The following EXPH5 variants were observed in gnomAD, a reference collection of about 807,000 sequenced individuals.
The protein encoded by EXPH5 is exophilin 5.
In EXPH5, 42 loss-of-function variants were observed where a neutral mutation model predicts 41.1. That is an observed-to-expected ratio of 1.02 (90% CI 0.80 to 1.32). The LOEUF is 1.32. Among genes scored for constraint, EXPH5 ranks in the 40% most tolerant of loss-of-function variants. The pLI, the probability that EXPH5 is intolerant of heterozygous loss-of-function variation, is 0.00. For missense variants in EXPH5, 2,298 were observed against 2,314.5 expected, an observed-to-expected ratio of 0.99 and a Z score of 0.15; for synonymous variants, 798 against 833.5, an observed-to-expected ratio of 0.96 and a Z score of 0.73.
intron 3 of EXPH5, chr11:108,538,062 G>T (rs78249165): frequency 1.0e-6 from 1 of 985,298 alleles, no homozygotes; most frequent in Non-Finnish European, 1.2e-6. Context: ...AAACAGCCTC[G>T]GGTGAAAGCT....
chr11:108,526,565 C>T lies in EXPH5; in HGVS notation c.492+1571G>A, dbSNP rs1208078904. On this transcript the variant is annotated intron_variant, in intron 4 of 5. Transcript: ENST00000265843. Reference sequence around the variant, plus strand: ...AGTACAGAAGCATCCTGGAGCAGGGCTCTGTCCTCTCAGAGGGCAAAGCTG... The same window carrying T: ...AGTACAGAAGCATCCTGGAGCAGGGTTCTGTCCTCTCAGAGGGCAAAGCTG... Among the ~76,000 whole-genome samples the T allele has an allele frequency of 3.3e-5, 5 of 152,342 alleles. No individual in the cohort carries two copies. The East Asian group carries it at 9.6e-4, about 29-fold the overall frequency.
intron 1 of EXPH5, chr11:108,568,175 T>TGC (rs1555198198): frequency 1.1e-4 from 11 of 102,894 alleles, no homozygotes; most frequent in Non-Finnish European, 2.1e-4. Context: ...TTACTTTTTT[T>TGC]GGGAGGGGGG....
chr11:108,561,216 G>A (rs2094010259), intron 1 of EXPH5, among the ~76,000 whole-genome samples: 2 of 152,182 alleles, frequency 1.3e-5, no homozygotes, highest in South Asian at 4.2e-4. Flanking sequence ...CTGTTTATTT[G>A]GTATATGTTT....
Position 108,512,792 on chromosome 11 carries a change from C to G in EXPH5, c.2715G>C (p.Val905=), listed in dbSNP as rs1461078643. The G allele has an allele frequency of 6.8e-6, 11 of 1,614,074 alleles. No homozygotes were observed. Among genetic ancestry groups the G allele is most frequent in the Non-Finnish European group, 8.5e-6 (10 of 1,179,990 alleles). The part of the protein sequence containing the change: ...LDAPVVPSTT[V]FSRRSPSDKD... ...TGTCTGAAGGACTTCTCCTGGAGAA[C>G]ACTGTAGTAGATGGAACCACAGGAG... The change falls in exon 6 of 6, where the codon GTG becomes GTC. Residue 905 remains valine (V), a synonymous_variant. Transcript: ENST00000265843.
chr11:108,557,343 A>G (rs1565820753), intron 1 of EXPH5, among the ~76,000 whole-genome samples: 1 of 152,202 alleles, frequency 6.6e-6, no homozygotes, highest in Non-Finnish European at 1.5e-5. Flanking sequence ...ATCAATAAGA[A>G]AGTAAATAAG....
chr11:108,579,772 G>A (rs1382798098), intron 1 of EXPH5, among the ~76,000 whole-genome samples: 1 of 152,168 alleles, frequency 6.6e-6, no homozygotes, highest in East Asian at 1.9e-4. Flanking sequence ...TGGACTCAGA[G>A]TAGTGCAAAA....
the EXPH5 span, among the ~76,000 whole-genome samples, chr11:108,603,408 C>T: frequency 6.6e-6 from 1 of 152,084 alleles, no homozygotes; most frequent in African/African-American, 2.4e-5. Flanking sequence ...TATTTCACAC[C>T]AGTCATGGTG....
At position 108,510,025 on chromosome 11, in the gene EXPH5, T is replaced by C; in HGVS notation, c.5482A>G (p.Asn1828Asp). Residue 1828 changes from asparagine (N) to aspartate (D), a missense_variant, in exon 6 of 6, where the codon AAT becomes GAT. Coordinates refer to ENST00000265843, the MANE Select transcript of EXPH5 (RefSeq NM_015065.3). ...CCAAGGGTCAGTCGACTCAGGGCAT[T>C]GTCAATAGAAGTGCTTTCAGAAAAA... ...RHFSESTSID[N>D]ALSRLTLGNE... is the part of the protein sequence containing the mutation. 6.2e-7 allele frequency: 1 copy of C among 1,613,456 alleles called. No individual in the cohort carries two copies. The highest frequency in any genetic ancestry group is 2.2e-5 in the East Asian group (1 of 44,886).
chr11:108,603,755 C>T, the EXPH5 span, among the ~76,000 whole-genome samples: 1 of 152,176 alleles, frequency 6.6e-6, no homozygotes, highest in Non-Finnish European at 1.5e-5. Context: ...GATGAATAGG[C>T]CATTTGCTCC....
chr11:108,594,908 C>T (rs1231416722), upstream of EXPH5, among the ~76,000 whole-genome samples: 1 of 152,218 alleles, frequency 6.6e-6, no homozygotes, highest in Non-Finnish European at 1.5e-5. Flanking sequence ...ATTCAGATAA[C>T]TTTCTGTGGG....
intron 1 of EXPH5, among the ~76,000 whole-genome samples, chr11:108,551,794 T>C (rs1362770651): frequency 6.6e-6 from 1 of 152,190 alleles, no homozygotes; most frequent in East Asian, 1.9e-4. Flanking sequence ...TCCTTTGATT[T>C]GCAGATCAAA....
intron 1 of EXPH5, among the ~76,000 whole-genome samples, chr11:108,564,446 A>G (rs1275633986): frequency 6.6e-6 from 1 of 152,148 alleles, no homozygotes; most frequent in Non-Finnish European, 1.5e-5. Context: ...TATGTTTCCC[A>G]CTTAGCATTA....
At chr11:108,568,628 T>C (rs2094046007) in intron 1 of EXPH5, among the ~76,000 whole-genome samples, 1 of 152,178 alleles carries the variant, frequency 6.6e-6, no homozygotes, top group Admixed American at 6.5e-5. Flanking sequence ...TTGATGTCCT[T>C]TAGTATTCAG....
upstream of EXPH5, among the ~76,000 whole-genome samples, chr11:108,597,194 T>A (rs920357503): frequency 1.3e-5 from 2 of 151,832 alleles, no homozygotes; most frequent in Non-Finnish European, 2.9e-5. Context: ...CTGATTTTTT[T>A]ATTTTTATTT....
intron 4 of EXPH5, among the ~76,000 whole-genome samples, chr11:108,524,359 G>A (rs1275245009): frequency 6.6e-6 from 1 of 152,186 alleles, no homozygotes; most frequent in African/African-American, 2.4e-5. Flanking sequence ...TTAGAATGAT[G>A]TCTAGCACTT....
At chr11:108,530,071 T>C (rs565238389) in intron 3 of EXPH5, among the ~76,000 whole-genome samples, 1 of 152,340 alleles carries the variant, frequency 6.6e-6, no homozygotes, top group South Asian at 2.1e-4. Flanking sequence ...AATACTCTTA[T>C]ACCCTTAAGA....
rs141038711 is a variant in EXPH5, at chr11:108,551,332, T to A, written c.120-9520A>T. 2.6e-5 allele frequency among the ~76,000 whole-genome samples: 4 copies of A among 152,328 alleles called. No individual in the cohort carries two copies. The East Asian group carries it at 7.7e-4, about 29-fold the overall frequency. On this transcript the variant is annotated intron_variant, in intron 1 of 5. Coordinates refer to ENST00000265843, the MANE Select transcript of EXPH5 (RefSeq NM_015065.3). ...ACAGGCAGTAATGAGAATTCAAATA[T>A]GATTGAAGAGAGAGCAGTTATGCAA... is the stretch of plus-strand genomic sequence containing the variant.
Position 108,511,090 on chromosome 11 carries a change from C to A in EXPH5, c.4417G>T (p.Gly1473Cys), listed in dbSNP as rs989838172. Residue 1473 changes from glycine to cysteine, a missense_variant, in exon 6 of 6, where the codon GGT (glycine) becomes TGT (cysteine). By Grantham distance (159) the Gly-to-Cys change is radical. Coordinates refer to ENST00000265843, the MANE Select transcript of EXPH5 (RefSeq NM_015065.3). The stretch of plus-strand genomic sequence containing the variant: ...GGCTGTGATCCACTGGAGCCATCAC[C>A]TACAGCTGTGGATGTGTGATCTTTC... ...PQKDHTSTAV[G>C]DGSSGSQPRE... 1.7e-5 allele frequency: 28 copies of A among 1,613,984 alleles called. No homozygotes were observed. The highest frequency in any genetic ancestry group is 2.2e-5 in the Non-Finnish European group (26 of 1,179,984).
At chr11:108,590,063 A>G (rs769555011) in intron 1 of EXPH5, among the ~76,000 whole-genome samples, 27 of 152,258 alleles carry the variant, frequency 1.8e-4, no homozygotes, top group Non-Finnish European at 3.4e-4. Flanking sequence ...TTAATCTCCT[A>G]CTAATGAGAA....
Sources: gnomAD v4.1 joint callset for allele counts (sites outside exome capture counted in the v4.1 genomes callset) on GRCh38, gnomAD v4.1.1 for gene constraint, MANE v1.5 for transcripts, NCBI Gene and HGNC (gene_info 2026-07-23, HGNC 2026-07-21) for gene names.